Variants in SCN10A observed in about 807,000 individuals in gnomAD.
SCN10A encodes sodium voltage-gated channel alpha subunit 10.
SCN10A carries 162 observed loss-of-function variants against 170.7 expected under a neutral mutation model. The observed-to-expected ratio is 0.95, with a 90% confidence interval of 0.84 to 1.08. The LOEUF (loss-of-function observed/expected upper bound fraction) is 1.08. Ranked by LOEUF, SCN10A falls within the 50% of genes least tolerant of loss-of-function variation. The pLI, the probability that SCN10A is intolerant of heterozygous loss-of-function variation, is 0.00. For synonymous variants in SCN10A, 985 were observed against 904.6 expected, an observed-to-expected ratio of 1.09 and a Z score of -1.59; for missense variants, 2,527 against 2,436.9, an observed-to-expected ratio of 1.04 and a Z score of -0.78.
Position 38,714,079 on chromosome 3 carries a change from A to G in SCN10A, c.3683T>C (p.Ile1228Thr), listed in dbSNP as rs563514624. ...CTTCGCTGTGAGACTTATCAGTGAGATCTGAGTGCAGGAGAGGGCAGAAAC... is the reference window on the plus strand; with the variant it reads ...CTTCGCTGTGAGACTTATCAGTGAGGTCTGAGTGCAGGAGAGGGCAGAAAC... ...WCWLDFLIVN[I>T]SLISLTAKIL... is the part of the protein sequence containing the mutation. Residue 1228 changes from isoleucine to threonine, a missense_variant and splice_region_variant, in exon 22 of 28, where the codon ATC becomes ACC. By Grantham distance (89) the Ile-to-Thr change is moderately conservative. Coordinates refer to ENST00000449082, the MANE Select transcript of SCN10A (RefSeq NM_006514.4). 6.2e-7 allele frequency: 1 copy of G among 1,614,172 alleles called. No individual in the cohort carries two copies. Among genetic ancestry groups the G allele is most frequent in the East Asian group, 2.2e-5 (1 of 44,874 alleles).
In SCN10A at chr3:38,763,511, T is replaced by G; in HGVS notation, c.685A>C (p.Ile229Leu). The G allele has an allele frequency of 6.2e-7, 1 of 1,612,962 alleles. No individual in the cohort carries two copies. Among genetic ancestry groups the G allele is most frequent in the Non-Finnish European group, 8.5e-7 (1 of 1,178,900 alleles). The change falls in exon 6 of 28, where the codon ATC becomes CTC. Residue 229 changes from isoleucine (I) to leucine (L), a missense_variant. Transcript: ENST00000449082. ...TCTGTGAATAAATGCTCACCTGGGA[T>G]CACAGAAACTGTTTTTAATGCTCTA... is the stretch of plus-strand genomic sequence containing the variant. The part of the protein sequence containing the change: ...VLRALKTVSV[I>L]PGLKVIVGAL...
intron 1 of SCN10A, among the ~76,000 whole-genome samples, chr3:38,801,604 C>G (rs1429686144): frequency 6.6e-6 from 1 of 152,064 alleles, no homozygotes; most frequent in Non-Finnish European, 1.5e-5. Flanking sequence ...TGAATGTGTT[C>G]AGATTTGGTG....
intron 3 of SCN10A, 73 bp from the exon 4 acceptor site, chr3:38,789,109 T>C: frequency 1.2e-6 from 1 of 845,124 alleles, no homozygotes; most frequent in Non-Finnish European, 2.0e-6. Context: ...ACCTTGATGC[T>C]GAATGATTAC....
At chr3:38,745,212 A>G (rs1313484804) in intron 13 of SCN10A, among the ~76,000 whole-genome samples, 1 of 152,208 alleles carries the variant, frequency 6.6e-6, no homozygotes, top group Non-Finnish European at 1.5e-5. Flanking sequence ...AAAAGTATCT[A>G]CTTGCCAGCT....
At chr3:38,706,797 T>G (rs2063215263) in intron 26 of SCN10A, among the ~76,000 whole-genome samples, 1 of 152,210 alleles carries the variant, frequency 6.6e-6, no homozygotes. Context: ...ACTGGGCCAC[T>G]TGACCACTAC....
intron 24 of SCN10A, 76 bp downstream of exon 24, chr3:38,710,768 C>G (rs1332544052): frequency 2.1e-6 from 3 of 1,429,630 alleles, no homozygotes; most frequent in Non-Finnish European, 2.9e-6. Flanking sequence ...GTCATCGTCA[C>G]TTCATTTCAA....
intron 1 of SCN10A, among the ~76,000 whole-genome samples, chr3:38,801,868 A>C (rs1392998493): frequency 6.6e-6 from 1 of 152,100 alleles, no homozygotes; most frequent in African/African-American, 2.4e-5. Context: ...TACGGTTAGC[A>C]TTTTCATGTA....
intron 1 of SCN10A, among the ~76,000 whole-genome samples, chr3:38,796,840 T>C (rs956625449): frequency 6.6e-6 from 1 of 152,140 alleles, no homozygotes; most frequent in Non-Finnish European, 1.5e-5. Context: ...TGTTTGCCTT[T>C]CTATTGTTTC....
chr3:38,760,386 G>A (rs1449398531), intron 8 of SCN10A, among the ~76,000 whole-genome samples: 1 of 152,216 alleles, frequency 6.6e-6, no homozygotes, highest in East Asian at 1.9e-4. Flanking sequence ...GCATGAATGA[G>A]CCTAGTCAAT....
At chr3:38,715,955 GGAAA>G (rs946861035) in intron 21 of SCN10A, among the ~76,000 whole-genome samples, 1 of 152,030 alleles carries the variant, frequency 6.6e-6, no homozygotes, top group African/African-American at 2.4e-5. Flanking sequence ...ATGGCTAGAA[GGAAA>G]GAAAGAAAGA....
At chr3:38,763,670 A>C in intron 5 of SCN10A, 74 bp from the exon 6 acceptor site, 1 of 1,078,092 alleles carries the variant, frequency 9.3e-7, no homozygotes, top group Admixed American at 1.7e-5. Context: ...AATAAGGATA[A>C]CCTGGGGTAT....
chr3:38,763,344 G>T (rs573248764), intron 6 of SCN10A, among the ~76,000 whole-genome samples, 161 bp downstream of exon 6: 1 of 152,292 alleles, frequency 6.6e-6, no homozygotes, highest in South Asian at 2.1e-4. Context: ...TACTAGTGAA[G>T]AGGCCTTGGG....
intron 4 of SCN10A, among the ~76,000 whole-genome samples, chr3:38,773,882 A>G (rs2064039262): frequency 6.6e-6 from 1 of 152,172 alleles, no homozygotes; most frequent in South Asian, 2.1e-4. Context: ...TAACATCAGA[A>G]ATTGAAAAAT....
Position 38,805,610 on chromosome 3 carries a change from T to A in SCN10A, c.-33+10427A>T, listed in dbSNP as rs2064400472. ...GATGGGAGCAACAGGACACCGGACA[T>A]ATGAGTAAGCTGTCTAGGAAAGATA... On this transcript the variant is annotated intron_variant, in intron 1 of 27. Transcript: ENST00000449082. Among the ~76,000 whole-genome samples the A allele has an allele frequency of 3.9e-5, 6 of 152,092 alleles. No individual in the cohort carries two copies. In the South Asian group the frequency reaches 1.2e-3, roughly 32 times the overall value.
At chr3:38,725,793 C>T (rs1575960531) in intron 17 of SCN10A, among the ~76,000 whole-genome samples, 2 of 152,256 alleles carry the variant, frequency 1.3e-5, no homozygotes, top group African/African-American at 2.4e-5. Context: ...GAGTGGCAGA[C>T]AGCTGTCACA....
At chr3:38,699,983 A>C (rs1418230588) in intron 27 of SCN10A, among the ~76,000 whole-genome samples, 2 of 152,180 alleles carry the variant, frequency 1.3e-5, no homozygotes, top group African/African-American at 2.4e-5. Context: ...GGTAGTTAAG[A>C]TATCCCCATC....
At chr3:38,720,755 G>C (rs891344678) in intron 20 of SCN10A, among the ~76,000 whole-genome samples, 1 of 152,160 alleles carries the variant, frequency 6.6e-6, no homozygotes. Context: ...GAGCAAGGGA[G>C]AGCAGAGAAG....
intron 1 of SCN10A, among the ~76,000 whole-genome samples, chr3:38,803,484 T>C (rs540150371): frequency 6.6e-6 from 1 of 152,088 alleles, no homozygotes; most frequent in East Asian, 1.9e-4. Context: ...AAAAGGATGA[T>C]TTCATGTCCT....
chr3:38,800,197 C>T (rs2064363111), intron 1 of SCN10A, among the ~76,000 whole-genome samples: 1 of 152,170 alleles, frequency 6.6e-6, no homozygotes, highest in African/African-American at 2.4e-5. Flanking sequence ...TCTGCAGTAA[C>T]CACTGGCTTT....
Sources: allele counts gnomAD v4.1 joint callset (sites outside exome capture counted in the v4.1 genomes callset), GRCh38; gene constraint gnomAD v4.1.1; transcripts MANE v1.5; gene names NCBI Gene and HGNC (gene_info 2026-07-23, HGNC 2026-07-21).